Variants in DLG2 observed in about 807,000 individuals in gnomAD.
DLG2 encodes the protein discs large MAGUK scaffold protein 2, also known as disks large homolog 2.
In DLG2, 45 loss-of-function variants were observed where a neutral mutation model predicts 132.5. That is an observed-to-expected ratio of 0.34 (90% CI 0.27 to 0.44). The LOEUF (loss-of-function observed/expected upper bound fraction) is 0.44, where lower values mean the gene tolerates loss of function less well. Ranked by LOEUF, DLG2 falls within the 20% of genes least tolerant of loss-of-function variation. The pLI is 1.00. For synonymous variants in DLG2, 424 were observed against 419.6 expected, an observed-to-expected ratio of 1.01 and a Z score of -0.13; for missense variants, 1,045 against 1,196.9, an observed-to-expected ratio of 0.87 and a Z score of 1.87.
intron 6 of DLG2, chr11:84,923,369 T>C: frequency 8.9e-7 from 1 of 1,117,920 alleles, no homozygotes; most frequent in African/African-American, 1.7e-5. Context: ...ATTCAGCGTC[T>C]GAAAGTTAAG....
intron 18 of DLG2, among the ~76,000 whole-genome samples, chr11:83,666,316 C>T (rs535421367): frequency 6.6e-6 from 1 of 152,320 alleles, no homozygotes; most frequent in Non-Finnish European, 1.5e-5. Flanking sequence ...GGTAGGTGTC[C>T]ATGGCCTGCA....
intron 6 of DLG2, among the ~76,000 whole-genome samples, chr11:85,011,112 C>T (rs1250587236): frequency 1.3e-5 from 2 of 152,102 alleles, no homozygotes; most frequent in Admixed American, 6.5e-5. Flanking sequence ...AAAATTCCCA[C>T]CAACACTTAC....
intron 6 of DLG2, among the ~76,000 whole-genome samples, chr11:84,701,822 G>T (rs2059255849): frequency 1.3e-5 from 2 of 151,498 alleles, no homozygotes; most frequent in Admixed American, 1.3e-4. Flanking sequence ...GCCTTCATTT[G>T]TCTTTGCAGA....
chr11:84,266,813 A>G (rs1451075231), intron 7 of DLG2, among the ~76,000 whole-genome samples: 3 of 152,194 alleles, frequency 2.0e-5, no homozygotes, highest in Admixed American at 6.5e-5. Context: ...TCATTTCCTC[A>G]TTATCGTTTC....
At chr11:83,842,835 A>C (rs1305085858) in intron 16 of DLG2, among the ~76,000 whole-genome samples, 1 of 65,004 alleles carries the variant, frequency 1.5e-5, no homozygotes, top group Non-Finnish European at 4.2e-5. Context: ...AAAAAAAAAG[A>C]AGGAAAATTA....
At chr11:85,145,828 T>C (rs2076800657) in intron 5 of DLG2, among the ~76,000 whole-genome samples, 1 of 152,152 alleles carries the variant, frequency 6.6e-6, no homozygotes, top group South Asian at 2.1e-4. Context: ...CTAGAATTTG[T>C]CACTGGTGAC....
intron 3 of DLG2, among the ~76,000 whole-genome samples, chr11:85,423,472 G>A (rs756274047): frequency 1.3e-5 from 2 of 152,186 alleles, no homozygotes; most frequent in African/African-American, 2.4e-5. Flanking sequence ...AACAGGTGGT[G>A]GGCAGGGCCA....
chr11:84,177,732 A>C (rs1185420496), intron 8 of DLG2, among the ~76,000 whole-genome samples: 2 of 152,282 alleles, frequency 1.3e-5, no homozygotes. Flanking sequence ...GTGGGGTCAA[A>C]ATGAATATCA....
intron 6 of DLG2, among the ~76,000 whole-genome samples, chr11:85,042,136 T>A (rs895584384): frequency 2.0e-5 from 3 of 151,976 alleles, no homozygotes; most frequent in African/African-American, 7.2e-5. Context: ...ACACATTAGC[T>A]TTGAGACAAC....
intron 17 of DLG2, among the ~76,000 whole-genome samples, chr11:83,795,525 C>T (rs1486246324): frequency 6.6e-6 from 1 of 151,858 alleles, no homozygotes; most frequent in Non-Finnish European, 1.5e-5. Context: ...ATCCTTTTCA[C>T]AATAATATTG....
chr11:83,466,131 ACT>A (rs1232388138), intron 26 of DLG2, among the ~76,000 whole-genome samples: 1 of 152,126 alleles, frequency 6.6e-6, no homozygotes, highest in African/African-American at 2.4e-5. Flanking sequence ...CACTAAGAAA[ACT>A]CTATTAAGAA....
At chr11:84,498,193 A>G (rs1308688807) in intron 7 of DLG2, among the ~76,000 whole-genome samples, 2 of 152,242 alleles carry the variant, frequency 1.3e-5, no homozygotes, top group Non-Finnish European at 2.9e-5. Context: ...TTGGCATGAT[A>G]GTCAACATTT....
intron 11 of DLG2, among the ~76,000 whole-genome samples, chr11:84,032,074 C>T (rs755773537): frequency 7.9e-5 from 12 of 152,184 alleles, no homozygotes; most frequent in East Asian, 5.8e-4. Flanking sequence ...TACCTGTTCT[C>T]GCTCCCTCTT....
chr11:85,093,408 T>C (rs2069161464), intron 6 of DLG2, among the ~76,000 whole-genome samples: 1 of 152,128 alleles, frequency 6.6e-6, no homozygotes, highest in Non-Finnish European at 1.5e-5. Flanking sequence ...ACACTCAGAC[T>C]CACACACTAA....
intron 4 of DLG2, among the ~76,000 whole-genome samples, chr11:85,261,248 G>A (rs1040527154): frequency 2.0e-5 from 3 of 152,128 alleles, no homozygotes; most frequent in African/African-American, 4.8e-5. Flanking sequence ...GGGGCTACAT[G>A]CTGAGTGAGA....
intron 3 of DLG2, among the ~76,000 whole-genome samples, chr11:85,568,669 A>G (rs1235468174): frequency 6.6e-6 from 1 of 152,162 alleles, no homozygotes; most frequent in Admixed American, 6.5e-5. Context: ...AAATTTGCAC[A>G]TTTCAACTAT....
At chr11:84,433,994 T>C (rs1258804294) in intron 7 of DLG2, among the ~76,000 whole-genome samples, 1 of 151,726 alleles carries the variant, frequency 6.6e-6, no homozygotes, top group African/African-American at 2.4e-5. Context: ...GACACACACA[T>C]GTGTTCCCAG....
intron 8 of DLG2, among the ~76,000 whole-genome samples, chr11:84,179,152 G>A (rs34490407): frequency 0.059 from 8,904 of 152,114 alleles, 329 homozygotes; most frequent in African/African-American, 0.094. Flanking sequence ...AATATTAACA[G>A]AGAAATAGAA....
At chr11:85,084,979 A>C (rs2067724335) in intron 6 of DLG2, among the ~76,000 whole-genome samples, 1 of 152,130 alleles carries the variant, frequency 6.6e-6, no homozygotes, top group Non-Finnish European at 1.5e-5. Flanking sequence ...GTTCTCCATA[A>C]ACTGTTAGTT....
Sources: allele counts gnomAD v4.1 joint callset (sites outside exome capture counted in the v4.1 genomes callset), GRCh38; gene constraint gnomAD v4.1.1; transcripts MANE v1.5; gene names NCBI Gene and HGNC (gene_info 2026-07-23, HGNC 2026-07-21).